The following FBN2 variants were observed in gnomAD, a reference collection of about 807,000 sequenced individuals.
FBN2 encodes fibrillin-2.
A neutral mutation model predicts 355.6 loss-of-function variants in FBN2; 105 were observed. The observed-to-expected ratio is 0.30, with a 90% CI of 0.25 to 0.35. FBN2 has a LOEUF of 0.35. FBN2 is among the 10% of genes least tolerant of loss of function. The pLI is 1.00. For synonymous variants in FBN2, 1,350 were observed against 1,301.2 expected, an observed-to-expected ratio of 1.04 and a Z score of -0.81; for missense variants, 3,280 against 3,758.7, an observed-to-expected ratio of 0.87 and a Z score of 3.33.
intron 7 of FBN2, among the ~76,000 whole-genome samples, chr5:128,443,956 A>C (rs999244479): frequency 6.6e-6 from 1 of 152,142 alleles, no homozygotes; most frequent in Non-Finnish European, 1.5e-5. Flanking sequence ...CTACAATTCA[A>C]AACCTGTCAC....
chr5:128,455,238 C>T (rs1279471498), intron 6 of FBN2, among the ~76,000 whole-genome samples: 1 of 152,098 alleles, frequency 6.6e-6, no homozygotes, highest in Non-Finnish European at 1.5e-5. Flanking sequence ...TGGAAAAGGG[C>T]TTAATGACAC....
chr5:128,364,541 A>C, intron 18 of FBN2, 59 bp downstream of exon 18: 1 of 1,513,814 alleles, frequency 6.6e-7, no homozygotes, highest in Non-Finnish European at 9.1e-7. Flanking sequence ...TAATTCTAAT[A>C]TAATCCATGG....
At chr5:128,486,587 C>A (rs145974758) in intron 5 of FBN2, among the ~76,000 whole-genome samples, 1 of 152,226 alleles carries the variant, frequency 6.6e-6, no homozygotes, top group African/African-American at 2.4e-5. Context: ...GGCCCCTTAC[C>A]GAGTAGACTT....
At chr5:128,299,557 A>G (rs1289086872) in intron 48 of FBN2, among the ~76,000 whole-genome samples, 1 of 152,168 alleles carries the variant, frequency 6.6e-6, no homozygotes, top group Non-Finnish European at 1.5e-5. Flanking sequence ...GGAAAACCGC[A>G]GTATTCGGGT....
intron 55 of FBN2, among the ~76,000 whole-genome samples, 181 bp from the exon 56 acceptor site, chr5:128,280,498 GTTCT>G (rs1034254455): frequency 1.3e-4 from 20 of 151,930 alleles, no homozygotes; most frequent in African/African-American, 4.8e-4. Context: ...TTCTTGGTGG[GTTCT>G]TTCTTAAGAT....
chr5:128,263,789 C>T (rs188311575), intron 62 of FBN2, 133 bp from the exon 63 acceptor site: 65 of 653,068 alleles, frequency 1.0e-4, no homozygotes, highest in Admixed American at 1.8e-4. Flanking sequence ...TTTATTCTGA[C>T]GACTGATTTG....
At chr5:128,417,864 T>G (rs937348220) in intron 7 of FBN2, among the ~76,000 whole-genome samples, 2 of 152,132 alleles carry the variant, frequency 1.3e-5, no homozygotes, top group Admixed American at 6.6e-5. Flanking sequence ...GACAGTACTT[T>G]CCTTTTCAAT....
At chr5:128,426,902 C>T (rs1753497855) in intron 7 of FBN2, among the ~76,000 whole-genome samples, 1 of 152,144 alleles carries the variant, frequency 6.6e-6, no homozygotes, top group Non-Finnish European at 1.5e-5. Context: ...TCATCTCCTG[C>T]ACCTCTAAAT....
chr5:128,440,957 G>A (rs1434754348), intron 7 of FBN2, among the ~76,000 whole-genome samples: 3 of 152,150 alleles, frequency 2.0e-5, no homozygotes, highest in Non-Finnish European at 4.4e-5. Context: ...TGCTTAAATT[G>A]GTCAATCTGG....
intron 5 of FBN2, among the ~76,000 whole-genome samples, chr5:128,465,680 C>T (rs184537733): frequency 6.4e-4 from 97 of 152,250 alleles, no homozygotes; most frequent in African/African-American, 2.1e-3. Flanking sequence ...ATTATATGAT[C>T]GCTCCTCTCT....
In FBN2 at chr5:128,446,485, A is replaced by C. The variant is rs778814309; in HGVS notation, c.948T>G (p.Cys316Trp). 1 of 1,613,770 alleles carries C rather than the reference A, an allele frequency of 6.2e-7. No individual in the cohort carries two copies. The highest frequency in any genetic ancestry group is 8.5e-7 in the Non-Finnish European group (1 of 1,179,762). ...TCCCAAAGTAGAGAGACTCACCTTC[A>C]CATTTCTGAGTAGTTTCACTCTGTT... ...GHKQSETTQK[C>W]EDIDECSIIP... The change falls in exon 7 of 65, where the codon TGT (cysteine) becomes TGG (tryptophan). Residue 316 changes from cysteine (C) to tryptophan (W), a missense_variant. This residue lies in a region of FBN2 where 343 missense variants were observed against 331.0 expected (regional missense o/e 1.04). Coordinates refer to ENST00000262464, the MANE Select transcript of FBN2 (RefSeq NM_001999.4).
At chr5:128,261,274 T>C (rs915585953) in intron 64 of FBN2, among the ~76,000 whole-genome samples, 1 of 152,178 alleles carries the variant, frequency 6.6e-6, no homozygotes, top group African/African-American at 2.4e-5. Flanking sequence ...AGAATACAAG[T>C]GATTTGGAAG....
intron 20 of FBN2, among the ~76,000 whole-genome samples, chr5:128,352,761 A>G (rs1043714483): frequency 1.3e-5 from 2 of 152,222 alleles, no homozygotes; most frequent in African/African-American, 4.8e-5. Context: ...GTGATGTGGA[A>G]AACACTTTAC....
At chr5:128,399,061 A>C (rs1752725651) in intron 8 of FBN2, among the ~76,000 whole-genome samples, 1 of 152,230 alleles carries the variant, frequency 6.6e-6, no homozygotes, top group African/African-American at 2.4e-5. Flanking sequence ...TAATAAGAGT[A>C]CTAGGAAGAG....
chr5:128,486,661 T>C (rs901287991), intron 5 of FBN2, among the ~76,000 whole-genome samples: 4 of 152,112 alleles, frequency 2.6e-5, no homozygotes, highest in African/African-American at 9.7e-5. Flanking sequence ...CTAGGGTACA[T>C]GTGCACAGTG....
intron 53 of FBN2, 126 bp downstream of exon 53, chr5:128,288,312 A>C (rs1005966324): frequency 2.8e-5 from 33 of 1,160,934 alleles, no homozygotes; most frequent in African/African-American, 9.4e-5. Flanking sequence ...CAAAAAACCC[A>C]AAAAACAAAA....
chr5:128,416,252 T>G (rs1483733619), intron 7 of FBN2, among the ~76,000 whole-genome samples: 2 of 152,204 alleles, frequency 1.3e-5, no homozygotes, highest in Non-Finnish European at 2.9e-5. Context: ...CTCAAACTCC[T>G]GACCTCAGGT....
intron 46 of FBN2, 84 bp downstream of exon 46, chr5:128,302,889 T>A: frequency 1.2e-6 from 1 of 831,274 alleles, no homozygotes; most frequent in Non-Finnish European, 2.1e-6. Flanking sequence ...TATAATTTTT[T>A]TTTGTTCTTT....
At chr5:128,365,375 C>T (rs754715158) in intron 17 of FBN2, 1 of 152,112 alleles carries the variant, frequency 6.6e-6, no homozygotes, top group Admixed American at 6.6e-5. Flanking sequence ...GCTGGCTCTG[C>T]TGGAAAGGCT....
Sources: allele counts gnomAD v4.1 joint callset (sites outside exome capture counted in the v4.1 genomes callset), GRCh38; gene constraint gnomAD v4.1.1; regional missense constraint gnomAD v4.1.1; transcripts MANE v1.5; gene names NCBI Gene and HGNC (gene_info 2026-07-23, HGNC 2026-07-21).